The following CEP112 variants were observed in gnomAD, a reference collection of about 807,000 sequenced individuals.
CEP112 encodes the protein centrosomal protein 112, also known as centrosomal protein of 112 kDa.
Under a neutral mutation model 153.0 loss-of-function variants are expected in CEP112, and 127 were observed. The observed-to-expected ratio is 0.83, with a 90% CI of 0.72 to 0.96. The LOEUF (loss-of-function observed/expected upper bound fraction) is 0.96. Ranked by LOEUF, CEP112 falls within the 40% of genes least tolerant of loss-of-function variation. The pLI, the probability that CEP112 is intolerant of heterozygous loss-of-function variation, is 0.00. For synonymous variants in CEP112, 358 were observed against 374.4 expected, an observed-to-expected ratio of 0.96 and a Z score of 0.51; for missense variants, 1,089 against 1,101.2, an observed-to-expected ratio of 0.99 and a Z score of 0.16.
At chr17:65,909,295 A>C (rs1365861437) in intron 19 of CEP112, among the ~76,000 whole-genome samples, 1 of 152,222 alleles carries the variant, frequency 6.6e-6, no homozygotes, top group Non-Finnish European at 1.5e-5. Context: ...AAAACGGGTT[A>C]TAGCTAGAGA....
At chr17:66,015,900 A>T (rs2064751135) in intron 16 of CEP112, among the ~76,000 whole-genome samples, 1 of 152,142 alleles carries the variant, frequency 6.6e-6, no homozygotes, top group Non-Finnish European at 1.5e-5. Context: ...TTTCTGCCTT[A>T]ATATCACCTT....
intron 21 of CEP112, 100 bp from the exon 22 acceptor site, chr17:65,750,824 A>C (rs1598465730): frequency 9.7e-7 from 1 of 1,036,078 alleles, no homozygotes; most frequent in Non-Finnish European, 1.5e-6. Flanking sequence ...TGCCAGCTGC[A>C]CCGCCCTTCT....
intron 10 of CEP112, among the ~76,000 whole-genome samples, chr17:66,065,919 G>A (rs574214733): frequency 7.9e-5 from 12 of 152,176 alleles, no homozygotes; most frequent in South Asian, 4.1e-4. Flanking sequence ...GTAAGCCACC[G>A]CGCCCGGCCT....
intron 23 of CEP112, among the ~76,000 whole-genome samples, chr17:65,702,123 G>A (rs144311853): frequency 1.6e-3 from 247 of 152,008 alleles, no homozygotes; most frequent in African/African-American, 3.0e-3. Context: ...TGATCTGCCC[G>A]CCTCGGCCTC....
intron 19 of CEP112, among the ~76,000 whole-genome samples, chr17:65,913,124 C>G (rs1446021917): frequency 1.3e-5 from 2 of 152,158 alleles, no homozygotes; most frequent in African/African-American, 4.8e-5. Flanking sequence ...CAGGTTATGT[C>G]TCTGAAAAAT....
chr17:66,006,283 G>A (rs751484048), intron 16 of CEP112, among the ~76,000 whole-genome samples: 4 of 152,070 alleles, frequency 2.6e-5, no homozygotes, highest in Non-Finnish European at 5.9e-5. Context: ...GAGTAAATGA[G>A]ATGGCAGCAT....
intron 20 of CEP112, among the ~76,000 whole-genome samples, chr17:65,895,528 C>T (rs1161480559): frequency 6.6e-6 from 1 of 152,068 alleles, no homozygotes; most frequent in African/African-American, 2.4e-5. Context: ...CTATGAGAAG[C>T]TCAGCAGGGG....
chr17:66,005,898 T>C (rs2064252926), intron 16 of CEP112, 129 bp from the exon 17 acceptor site: 5 of 794,800 alleles, frequency 6.3e-6, no homozygotes, highest in Non-Finnish European at 9.3e-6. Context: ...TATTTCAAGA[T>C]AGAAACTTGG....
intron 21 of CEP112, chr17:65,826,349 T>C (rs777236967): frequency 6.2e-7 from 1 of 1,609,308 alleles, no homozygotes; most frequent in African/African-American, 1.3e-5. Flanking sequence ...GAGCCCTCAG[T>C]GCAGGCTGTA....
chr17:65,929,338 T>C lies in CEP112; in HGVS notation c.1873-1649A>G, dbSNP rs140896160. ...GCTCATCTCTACTGCTCTATCCCAC[T>C]ACCACCACCACAGTCCACCTACCTG... is the stretch of plus-strand genomic sequence containing the variant. On this transcript the variant is annotated intron_variant, in intron 18 of 26. Transcript: ENST00000535342. Among the ~76,000 whole-genome samples the C allele has an allele frequency of 3.3e-3, 506 of 152,294 alleles. 2 individuals carry two copies. Among genetic ancestry groups the C allele is most frequent in the African/African-American group, 0.012 (490 of 41,562 alleles).
intron 20 of CEP112, among the ~76,000 whole-genome samples, chr17:65,874,713 T>C (rs2058767727): frequency 6.6e-6 from 1 of 152,120 alleles, no homozygotes; most frequent in Admixed American, 6.5e-5. Flanking sequence ...CACTAATATT[T>C]TGGTTTTCCA....
Position 65,687,855 on chromosome 17 carries a change from T to C in CEP112, c.2697+1274A>G, listed in dbSNP as rs1039856316. 3.3e-5 allele frequency among the ~76,000 whole-genome samples: 5 copies of C among 152,238 alleles called. No homozygotes were observed. In the East Asian group the frequency reaches 9.6e-4, roughly 29 times the overall value. On this transcript the variant is annotated intron_variant, in intron 24 of 26. Coordinates refer to ENST00000535342, the MANE Select transcript of CEP112 (RefSeq NM_001199165.4). ...AGAATAAGCTAATATAATATGCCAATATTCCTGTACTGAGTTTTACAACCA... is the reference window on the plus strand; with the variant it reads ...AGAATAAGCTAATATAATATGCCAACATTCCTGTACTGAGTTTTACAACCA...
chr17:66,178,610 A>G (rs1325985022), intron 2 of CEP112, among the ~76,000 whole-genome samples: 1 of 152,060 alleles, frequency 6.6e-6, no homozygotes, highest in African/African-American at 2.4e-5. Flanking sequence ...CTTTTGGAGT[A>G]TTACTCAAGA....
At chr17:66,182,823 G>A (rs964415390) in intron 2 of CEP112, among the ~76,000 whole-genome samples, 2 of 152,150 alleles carry the variant, frequency 1.3e-5, no homozygotes, top group Admixed American at 6.5e-5. Context: ...CGGAGAACAG[G>A]AGAACACTAG....
intron 11 of CEP112, among the ~76,000 whole-genome samples, chr17:66,061,263 T>C (rs1319437228): frequency 6.6e-6 from 1 of 151,982 alleles, no homozygotes; most frequent in Non-Finnish European, 1.5e-5. Flanking sequence ...TGATTATTAT[T>C]AAAAAGTCGA....
intron 18 of CEP112, among the ~76,000 whole-genome samples, chr17:65,945,598 T>G (rs1418384181): frequency 6.6e-6 from 1 of 152,284 alleles, no homozygotes; most frequent in Admixed American, 6.5e-5. Flanking sequence ...AGTATAGCAT[T>G]GTGGTTTTAT....
chr17:66,164,886 A>ATATGTGTG (rs1414545761), intron 4 of CEP112, among the ~76,000 whole-genome samples: 1 of 137,506 alleles, frequency 7.3e-6, no homozygotes, highest in Non-Finnish European at 1.5e-5. Flanking sequence ...ACACACATAT[A>ATATGTGTG]TGTGTGTGTG....
At chr17:65,776,621 G>A (rs1316703668) in intron 21 of CEP112, among the ~76,000 whole-genome samples, 1 of 152,154 alleles carries the variant, frequency 6.6e-6, no homozygotes, top group African/African-American at 2.4e-5. Context: ...TTCTTCTATT[G>A]CTGGATATTT....
intron 17 of CEP112, among the ~76,000 whole-genome samples, chr17:65,968,598 G>A (rs2062501199): frequency 6.6e-6 from 1 of 152,136 alleles, no homozygotes; most frequent in African/African-American, 2.4e-5. Context: ...CTTTGGAAAT[G>A]ATGAAGCAGA....
Sources: gnomAD v4.1 joint callset for allele counts (sites outside exome capture counted in the v4.1 genomes callset) on GRCh38, gnomAD v4.1.1 for gene constraint, MANE v1.5 for transcripts, NCBI Gene and HGNC (gene_info 2026-07-23, HGNC 2026-07-21) for gene names.